The following SORCS1 variants were observed in gnomAD, a reference collection of about 807,000 sequenced individuals.
The protein encoded by SORCS1 is sortilin related VPS10 domain containing receptor 1, also known as VPS10 domain-containing receptor SorCS1.
In SORCS1, 60 loss-of-function variants were observed where a neutral mutation model predicts 146.1. The ratio of observed to expected loss-of-function variants is 0.41; its 90% CI spans 0.33 to 0.51. The LOEUF is 0.51. SORCS1 is among the 20% of genes least tolerant of loss of function. SORCS1 has a pLI of 0.21. For missense variants in SORCS1, 1,352 were observed against 1,487.6 expected, an observed-to-expected ratio of 0.91 and a Z score of 1.50; for synonymous variants, 637 against 584.0, an observed-to-expected ratio of 1.09 and a Z score of -1.31.
intron 5 of SORCS1, among the ~76,000 whole-genome samples, chr10:106,746,114 T>C (rs989558950): frequency 3.5e-4 from 53 of 151,822 alleles, no homozygotes; most frequent in African/African-American, 1.3e-3. Context: ...GAAAAATAAA[T>C]GCAATTTGGG....
At chr10:106,953,142 AGTGTGTGTGTGTGTGT>A (rs60289278) in intron 2 of SORCS1, among the ~76,000 whole-genome samples, 2 of 148,050 alleles carry the variant, frequency 1.4e-5, no homozygotes, top group Non-Finnish European at 3.0e-5. Flanking sequence ...CTGTGGGTAT[AGTGTGTGTGTGTGTGT>A]GTGTGTGTGT....
rs1844564079 is a variant in SORCS1, at chr10:106,576,116, G to A, written c.*1304C>T. 1 of 152,250 alleles carries A rather than the reference G, an allele frequency of 6.6e-6. No individual in the cohort carries two copies. The highest frequency in any genetic ancestry group is 6.5e-5 in the Admixed American group (1 of 15,276). The allele number at this position is 152,250 out of a possible 1,614,324, so 9.4% of individuals were successfully genotyped here. A position where few individuals can be genotyped will look rare whatever the true frequency, so the allele number is the denominator to read the frequency against. On this transcript the variant is annotated 3_prime_UTR_variant, in exon 26 of 26. Transcript: ENST00000263054. ...TCGCATACAGTATATGTTTCCAGGT[G>A]GGAAAAGGCAGGGATATTTGAAAAA...
Position 107,030,001 on chromosome 10 carries a change from C to G in SORCS1, c.559-73421G>C, listed in dbSNP as rs116125517. Among the ~76,000 whole-genome samples, 1,446 of 152,228 alleles carry G rather than the reference C, an allele frequency of 9.5e-3. 28 individuals are homozygous for G. Among genetic ancestry groups the G allele is most frequent in the African/African-American group, 0.033 (1,383 of 41,524 alleles). On this transcript the variant is annotated intron_variant, in intron 1 of 25. Transcript: ENST00000263054. Reference sequence around the variant, plus strand: ...GGAAAGTAGAGGAGCCTAAAGTGAGCCTTGGAGGGACAGACACATGCAGCA... The same window carrying G: ...GGAAAGTAGAGGAGCCTAAAGTGAGGCTTGGAGGGACAGACACATGCAGCA...
At chr10:106,582,610 T>C (rs1326422748) in intron 24 of SORCS1, among the ~76,000 whole-genome samples, 2 of 152,218 alleles carry the variant, frequency 1.3e-5, no homozygotes, top group African/African-American at 2.4e-5. Flanking sequence ...GGGCTTTAGC[T>C]TGTTGTGTGG....
At chr10:106,955,117 T>C (rs1954873694) in intron 2 of SORCS1, among the ~76,000 whole-genome samples, 1 of 152,160 alleles carries the variant, frequency 6.6e-6, no homozygotes. Flanking sequence ...CCCCACCCTG[T>C]TTGCTGCACT....
intron 1 of SORCS1, among the ~76,000 whole-genome samples, chr10:107,069,660 G>A (rs2134172068): frequency 6.6e-6 from 1 of 152,266 alleles, no homozygotes; most frequent in South Asian, 2.1e-4. Flanking sequence ...ACAGGCGTGA[G>A]CCACCTCGCC....
intron 1 of SORCS1, among the ~76,000 whole-genome samples, chr10:106,967,113 C>CAAA (rs34653353): frequency 7.2e-4 from 104 of 144,468 alleles, no homozygotes; most frequent in African/African-American, 2.1e-3. Flanking sequence ...GCTATCCACT[C>CAAA]AAAAAAAAAA....
intron 2 of SORCS1, among the ~76,000 whole-genome samples, chr10:106,858,045 A>T (rs979736313): frequency 6.6e-6 from 1 of 152,192 alleles, no homozygotes; most frequent in Non-Finnish European, 1.5e-5. Context: ...GGATTCCCTG[A>T]ACCTTTCAGC....
intron 1 of SORCS1, among the ~76,000 whole-genome samples, chr10:106,984,010 T>C (rs910416370): frequency 3.9e-5 from 6 of 152,224 alleles, no homozygotes; most frequent in African/African-American, 9.6e-5. Flanking sequence ...AAGCCAGTTA[T>C]TAAAAAATTG....
chr10:106,924,688 G>C (rs1952912946), intron 2 of SORCS1, among the ~76,000 whole-genome samples: 1 of 150,440 alleles, frequency 6.6e-6, no homozygotes. Context: ...GCTGCTGCTA[G>C]TGACAGCCCT....
intron 1 of SORCS1, among the ~76,000 whole-genome samples, chr10:106,985,146 C>T (rs1956411289): frequency 6.6e-6 from 1 of 152,128 alleles, no homozygotes; most frequent in South Asian, 2.1e-4. Context: ...AAGATCACAT[C>T]ACTGCACTCC....
chr10:107,023,875 T>TA (rs1020710606), intron 1 of SORCS1, among the ~76,000 whole-genome samples: 137 of 151,554 alleles, frequency 9.0e-4, no homozygotes, highest in African/African-American at 3.0e-3. Context: ...TGTGTTGCTC[T>TA]AAAAAAAAGA....
At chr10:106,690,815 G>T (rs915559990) in intron 9 of SORCS1, among the ~76,000 whole-genome samples, 1 of 152,102 alleles carries the variant, frequency 6.6e-6, no homozygotes, top group Non-Finnish European at 1.5e-5. Flanking sequence ...CTAGTCTTAG[G>T]TTTTTGTGCT....
Position 106,607,020 on chromosome 10 carries a change from T to C in SORCS1, c.3165+146A>G. 3 of 1,078,328 alleles carry C rather than the reference T, an allele frequency of 2.8e-6. No homozygotes were observed. The South Asian group carries it at 4.6e-5, about 17-fold the overall frequency. The allele number at this position is 1,078,328 out of a possible 1,614,324, so 66.8% of individuals were successfully genotyped here. On this transcript the variant is annotated intron_variant, in intron 23 of 25. Transcript: ENST00000263054. ...TATTAGCAGTGTGAGAACAGACTAA[T>C]ACACCTACCATGAATGCTCTTGCAT...
intron 1 of SORCS1, among the ~76,000 whole-genome samples, chr10:107,035,262 C>CAAAAAAAAAAAAA (rs201009614): frequency 7.1e-5 from 2 of 28,324 alleles, no homozygotes; most frequent in Non-Finnish European, 1.5e-4. Context: ...AGTGAAGCTT[C>CAAAAAAAAAAAAA]AAAAAAAAAA....
chr10:106,893,903 G>A (rs556493656), intron 2 of SORCS1, among the ~76,000 whole-genome samples: 1 of 152,236 alleles, frequency 6.6e-6, no homozygotes, highest in South Asian at 2.1e-4. Context: ...CAAGTAAACA[G>A]GAAGTTTATC....
intron 2 of SORCS1, among the ~76,000 whole-genome samples, chr10:106,839,055 C>T (rs546379550): frequency 1.3e-5 from 2 of 152,272 alleles, no homozygotes; most frequent in South Asian, 4.1e-4. Context: ...CTCAGGCCTC[C>T]CTCTTGCCTG....
intron 23 of SORCS1, among the ~76,000 whole-genome samples, chr10:106,606,246 G>A (rs1174600702): frequency 2.7e-5 from 4 of 147,274 alleles, no homozygotes; most frequent in South Asian, 4.3e-4. Flanking sequence ...AAAAGAGAAA[G>A]AGAATCACAC....
chr10:106,919,555 G>GGT (rs964195947), intron 2 of SORCS1, among the ~76,000 whole-genome samples: 29 of 152,228 alleles, frequency 1.9e-4, no homozygotes, highest in Admixed American at 1.8e-3. Context: ...GATTCTGATA[G>GGT]GTGTGTGTGT....
Sources: gnomAD v4.1 joint callset for allele counts (sites outside exome capture counted in the v4.1 genomes callset) on GRCh38, gnomAD v4.1.1 for gene constraint, MANE v1.5 for transcripts, NCBI Gene and HGNC (gene_info 2026-07-23, HGNC 2026-07-21) for gene names.